Variants in SCN11A observed in about 807,000 individuals in gnomAD.
SCN11A encodes sodium channel protein type 11 subunit alpha.
SCN11A carries 122 observed loss-of-function variants against 162.2 expected under a neutral mutation model. The observed-to-expected ratio is 0.75, with a 90% CI of 0.65 to 0.87. The LOEUF (loss-of-function observed/expected upper bound fraction) is 0.87, where lower values mean the gene tolerates loss of function less well. Ranked by LOEUF, SCN11A falls within the 40% of genes least tolerant of loss-of-function variation. The pLI, the probability that SCN11A is intolerant of heterozygous loss-of-function variation, is 0.00. For synonymous variants in SCN11A, 758 were observed against 751.5 expected (o/e 1.01, Z -0.14); for missense variants, 2,015 against 2,181.6 (o/e 0.92, Z 1.52).
intron 2 of SCN11A, among the ~76,000 whole-genome samples, chr3:38,963,439 A>ATT (rs1267582380): frequency 9.8e-6 from 1 of 101,774 alleles, no homozygotes; most frequent in Non-Finnish European, 1.8e-5. Context: ...ATATATATAT[A>ATT]TATATGATGG....
chr3:38,952,678 G>A (rs1007482932), intron 4 of SCN11A, among the ~76,000 whole-genome samples: 1 of 152,240 alleles, frequency 6.6e-6, no homozygotes, highest in Admixed American at 6.5e-5. Context: ...CATAGGATAG[G>A]CGTCTCAACA....
chr3:39,033,486 G>A lies in SCN11A; in HGVS notation c.-403-983C>T, dbSNP rs2031820212. Among the ~76,000 whole-genome samples the A allele has an allele frequency of 2.6e-5, 4 of 152,184 alleles. No homozygotes were observed. The South Asian group carries it at 8.3e-4, about 32-fold the overall frequency. The stretch of plus-strand genomic sequence containing the variant: ...AGAAGTACCTTGTGAGAAAAGCATT[G>A]TTATTACTATTTTACAGATTAGTTA... On this transcript the variant is annotated intron_variant, in intron 1 of 29. Coordinates refer to ENST00000302328, the MANE Select transcript of SCN11A (RefSeq NM_001349253.2).
intron 9 of SCN11A, among the ~76,000 whole-genome samples, chr3:38,923,217 C>T (rs995840856): frequency 5.9e-5 from 9 of 152,140 alleles, no homozygotes; most frequent in Non-Finnish European, 1.0e-4. Context: ...TTCTCCTCTT[C>T]TCCCTTTCAT....
chr3:38,893,781 A>G (rs1284253491), intron 19 of SCN11A, among the ~76,000 whole-genome samples: 2 of 151,966 alleles, frequency 1.3e-5, no homozygotes, highest in African/African-American at 4.8e-5. Context: ...AAGAAATCAT[A>G]AGAAGAATTA....
At chr3:38,867,581 C>T (rs2065062127) in intron 26 of SCN11A, 123 bp from the exon 27 acceptor site, 1 of 693,602 alleles carries the variant, frequency 1.4e-6, no homozygotes, top group Non-Finnish European at 2.4e-6. Context: ...ATAGCCTCTT[C>T]CTAACAGCCA....
At chr3:39,025,166 T>G (rs896500886) in intron 2 of SCN11A, among the ~76,000 whole-genome samples, 2 of 152,014 alleles carry the variant, frequency 1.3e-5, no homozygotes, top group African/African-American at 4.8e-5. Flanking sequence ...TGTTCCTGAC[T>G]TACTTCAAGA....
In SCN11A at chr3:38,897,039, TAC is replaced by T; in HGVS notation, c.2207_2208del (p.Cys736Ter). ...SFNSQKSPKL[C>X]NPTGPTVSCL... Reference sequence around the variant, plus strand: ...CATGAGACTGTCGGGCCTGTCGGGTTACAGAGTTTTGGACTCTTTTGGGAATT... The same window carrying T: ...CATGAGACTGTCGGGCCTGTCGGGTTAGAGTTTTGGACTCTTTTGGGAATT... On this transcript the variant is annotated frameshift_variant, in exon 18 of 30. Coordinates refer to ENST00000302328, the MANE Select transcript of SCN11A (RefSeq NM_001349253.2). LOFTEE classifies it high-confidence loss of function. The T allele has an allele frequency of 6.2e-7, 1 of 1,614,178 alleles. No homozygotes were observed. The highest frequency in any genetic ancestry group is 1.3e-5 in the African/African-American group (1 of 75,048).
At chr3:38,895,740 C>T (rs944016044) in intron 18 of SCN11A, among the ~76,000 whole-genome samples, 11 of 152,046 alleles carry the variant, frequency 7.2e-5, no homozygotes, top group African/African-American at 2.7e-4. Flanking sequence ...TTAAGCTCTC[C>T]TCTATCTGTC....
At chr3:39,036,682 A>C (rs1311100707) in intron 1 of SCN11A, among the ~76,000 whole-genome samples, 1 of 152,246 alleles carries the variant, frequency 6.6e-6, no homozygotes, top group Non-Finnish European at 1.5e-5. Flanking sequence ...TCCAATTAAA[A>C]ATGGGCAAAA....
At chr3:38,858,547 G>A (rs2064909952) in intron 28 of SCN11A, among the ~76,000 whole-genome samples, 1 of 151,802 alleles carries the variant, frequency 6.6e-6, no homozygotes, top group South Asian at 2.1e-4. Context: ...AAGTAATGAG[G>A]CAACACAATA....
intron 16 of SCN11A, among the ~76,000 whole-genome samples, chr3:38,902,475 G>T (rs887063216): frequency 6.6e-6 from 1 of 152,058 alleles, no homozygotes; most frequent in Non-Finnish European, 1.5e-5. Context: ...CTTGTGGAGG[G>T]ATGTGGAACT....
chr3:38,932,946 C>T (rs538505981), intron 7 of SCN11A, among the ~76,000 whole-genome samples: 91 of 150,098 alleles, frequency 6.1e-4, no homozygotes, highest in African/African-American at 2.0e-3. Context: ...CCCCTGACCC[C>T]CGAGCAGCCT....
At chr3:39,051,296 G>GC (rs1404379038) in intron 1 of SCN11A, among the ~76,000 whole-genome samples, 1 of 151,842 alleles carries the variant, frequency 6.6e-6, no homozygotes, top group Non-Finnish European at 1.5e-5. Flanking sequence ...CCTCCGAAAG[G>GC]CCCCAGTGTG....
chr3:38,900,514 A>G (rs892653766), intron 16 of SCN11A, among the ~76,000 whole-genome samples: 1 of 152,094 alleles, frequency 6.6e-6, no homozygotes, highest in Non-Finnish European at 1.5e-5. Flanking sequence ...CCCATAAACT[A>G]GAATCCAGGA....
At position 38,885,352 on chromosome 3, in the gene SCN11A, C is replaced by A. The variant is rs779994006; in HGVS notation, c.3000G>T (p.Gln1000His). 1.2e-6 allele frequency: 2 copies of A among 1,613,720 alleles called. No homozygotes were observed. Among genetic ancestry groups the A allele is most frequent in the Admixed American group, 1.7e-5 (1 of 60,014 alleles). ...TCTCAGGTAACCATCCAAAGCCATC[C>A]TGAAGATCAATGGTGCTACATTCTG... Reference protein sequence around the residue: ...ILSECSTIDLQDGFGWLPEMV... With the variant: ...ILSECSTIDLHDGFGWLPEMV... The change falls in exon 21 of 30, where the codon CAG (glutamine) becomes CAT (histidine). Residue 1000 changes from glutamine to histidine, a missense_variant. Gln to His is a conservative substitution (Grantham distance 24, BLOSUM62 0). Transcript: ENST00000302328.
chr3:39,009,046 A>G (rs76347553), intron 2 of SCN11A, among the ~76,000 whole-genome samples: 4,392 of 152,184 alleles, frequency 0.029, 214 homozygotes, highest in African/African-American at 0.1. Context: ...TCCTTCTCTC[A>G]TAAGTATACA....
Position 38,872,296 on chromosome 3 carries a change from T to C in SCN11A, c.3394-2A>G. The C allele has an allele frequency of 6.5e-7, 1 of 1,540,270 alleles. No individual in the cohort carries two copies. Among genetic ancestry groups the C allele is most frequent in the Non-Finnish European group, 9.0e-7 (1 of 1,113,092 alleles). On this transcript the variant is annotated splice_acceptor_variant, in intron 23 of 29. Transcript: ENST00000302328. LOFTEE classifies it high-confidence loss of function. ...GTTAATGAGGGTGGTCACAGAGACCTGATGGGAAGAGAGGCCACAGATAAT... is the reference window on the plus strand; with the variant it reads ...GTTAATGAGGGTGGTCACAGAGACCCGATGGGAAGAGAGGCCACAGATAAT...
chr3:38,934,214 C>A (rs1332093640), intron 7 of SCN11A, among the ~76,000 whole-genome samples: 1 of 152,170 alleles, frequency 6.6e-6, no homozygotes, highest in Non-Finnish European at 1.5e-5. Flanking sequence ...TAAAAGAGCT[C>A]CTGAAGGAAG....
chr3:39,001,563 T>C (rs1015295976), intron 2 of SCN11A, among the ~76,000 whole-genome samples: 1 of 152,268 alleles, frequency 6.6e-6, no homozygotes, highest in Non-Finnish European at 1.5e-5. Flanking sequence ...TCTACATCTA[T>C]GTTTTCTTCT....
Sources: allele counts gnomAD v4.1 joint callset (sites outside exome capture counted in the v4.1 genomes callset), GRCh38; gene constraint gnomAD v4.1.1; transcripts MANE v1.5; gene names NCBI Gene and HGNC (gene_info 2026-07-23, HGNC 2026-07-21).